The following TLK2 variants were observed in gnomAD, a reference collection of about 807,000 sequenced individuals.
TLK2 encodes the protein serine/threonine-protein kinase tousled-like 2.
Under a neutral mutation model 117.3 loss-of-function variants are expected in TLK2, and 6 were observed. The observed-to-expected ratio is 0.05, with a 90% CI of 0.03 to 0.10. The LOEUF (loss-of-function observed/expected upper bound fraction) is 0.10. Among genes scored for constraint, TLK2 ranks in the 10% least tolerant of loss-of-function variants. The pLI is 1.00. For missense variants in TLK2, 299 were observed against 901.2 expected, an observed-to-expected ratio of 0.33 and a Z score of 8.56; for synonymous variants, 257 against 316.7, an observed-to-expected ratio of 0.81 and a Z score of 2.00.
Position 62,536,334 on chromosome 17 carries a change from T to C in TLK2, c.528T>C (p.Val176=), listed in dbSNP as rs1272915654. 1.2e-6 allele frequency: 2 copies of C among 1,611,904 alleles called. No homozygotes were observed. Among genetic ancestry groups the C allele is most frequent in the Non-Finnish European group, 1.7e-6 (2 of 1,178,912 alleles). ...GAGCTGGCCTCTGCTTCACTTTTGT[T>C]TCAGTGAGTACAAAGCCTAAGTTAA... is the stretch of plus-strand genomic sequence containing the variant. ...QRGAGLCFTF[V]SAQQNSPSST... Residue 176 remains valine, a synonymous_variant, in exon 7 of 22, where the codon GTT becomes GTC. Transcript: ENST00000346027.
At chr17:62,507,902 C>A (rs2074836890) in intron 2 of TLK2, among the ~76,000 whole-genome samples, 1 of 151,822 alleles carries the variant, frequency 6.6e-6, no homozygotes, top group African/African-American at 2.4e-5. Flanking sequence ...ATATTAGAAA[C>A]ATGTTTTATT....
At chr17:62,538,237 A>G (rs984246272) in intron 7 of TLK2, among the ~76,000 whole-genome samples, 7 of 151,536 alleles carry the variant, frequency 4.6e-5, no homozygotes, top group Non-Finnish European at 8.8e-5. Flanking sequence ...GGGTTTCACC[A>G]TGTTAGCCAG....
At chr17:62,510,361 A>G (rs1333778158) in intron 2 of TLK2, among the ~76,000 whole-genome samples, 1 of 152,166 alleles carries the variant, frequency 6.6e-6, no homozygotes, top group Non-Finnish European at 1.5e-5. Context: ...TTTTTGAACC[A>G]GATAGCCTTG....
intron 9 of TLK2, among the ~76,000 whole-genome samples, chr17:62,557,784 A>G (rs776726719): frequency 3.9e-5 from 6 of 152,230 alleles, no homozygotes; most frequent in Non-Finnish European, 7.3e-5. Flanking sequence ...ATGACAGAGT[A>G]TGAGAAAAAC....
At chr17:62,609,881 A>G (rs981680819) in intron 21 of TLK2, among the ~76,000 whole-genome samples, 1 of 152,200 alleles carries the variant, frequency 6.6e-6, no homozygotes, top group Non-Finnish European at 1.5e-5. Context: ...ATACCTATGA[A>G]TAGCCACTGC....
At chr17:62,559,854 TA>T (rs1397394284) in intron 9 of TLK2, among the ~76,000 whole-genome samples, 161 bp from the exon 10 acceptor site, 1 of 152,214 alleles carries the variant, frequency 6.6e-6, no homozygotes, top group Non-Finnish European at 1.5e-5. Context: ...AGGAATGAAT[TA>T]TTTACTTTTT....
At chr17:62,535,272 A>T (rs1271624616) in intron 6 of TLK2, among the ~76,000 whole-genome samples, 2 of 152,056 alleles carry the variant, frequency 1.3e-5, no homozygotes, top group Non-Finnish European at 2.9e-5. Context: ...TCCCTCCCTA[A>T]AGTTAATGTA....
chr17:62,491,441 T>C (rs113385825), intron 2 of TLK2, among the ~76,000 whole-genome samples: 839 of 140,564 alleles, frequency 6.0e-3, no homozygotes, highest in East Asian at 0.02. Context: ...TTAGTTCTAT[T>C]CTTCCTCTCT....
Position 62,608,127 on chromosome 17 carries a change from A to G in TLK2, c.2058A>G (p.Pro686=), listed in dbSNP as rs768159167. 1.2e-6 allele frequency: 2 copies of G among 1,613,988 alleles called. No homozygotes were observed. Among genetic ancestry groups the G allele is most frequent in the South Asian group, 2.2e-5 (2 of 91,046 alleles). Residue 686 remains proline, a synonymous_variant, in exon 21 of 22, where the codon CCA becomes CCG. Transcript: ENST00000346027. ...CTGAAGTGCAGTTCCCGCCAAAGCC[A>G]GTAGTAACACCTGAAGCAAAGGTAA... ...KATEVQFPPK[P]VVTPEAKAFI... is the part of the protein sequence containing the mutation.
intron 16 of TLK2, among the ~76,000 whole-genome samples, chr17:62,587,303 T>C (rs571398257): frequency 6.6e-6 from 1 of 152,334 alleles, no homozygotes; most frequent in South Asian, 2.1e-4. Flanking sequence ...GTTTCCTTGT[T>C]GTTGGTACAA....
At chr17:62,601,085 GA>G (rs556820681) in intron 18 of TLK2, among the ~76,000 whole-genome samples, 21 of 152,112 alleles carry the variant, frequency 1.4e-4, no homozygotes, top group Admixed American at 2.6e-4. Context: ...CATTAAGAAA[GA>G]ACTGTTGCAG....
At chr17:62,542,716 C>T (rs1299186374) in intron 7 of TLK2, among the ~76,000 whole-genome samples, 3 of 152,142 alleles carry the variant, frequency 2.0e-5, no homozygotes, top group East Asian at 3.8e-4. Flanking sequence ...TGAAACAGTT[C>T]TGGTTGTCAA....
At chr17:62,577,110 G>A (rs926393938) in intron 13 of TLK2, among the ~76,000 whole-genome samples, 58 of 151,938 alleles carry the variant, frequency 3.8e-4, no homozygotes, top group Admixed American at 3.3e-3. Flanking sequence ...TTACAGGCAC[G>A]TGCCACCATA....
chr17:62,573,982 G>GA (rs1429528913), intron 12 of TLK2, among the ~76,000 whole-genome samples: 20 of 152,294 alleles, frequency 1.3e-4, no homozygotes, highest in African/African-American at 4.8e-4. Context: ...AGGAGGAGTA[G>GA]AAAATTCTAA....
At chr17:62,490,166 A>G (rs1047104709) in intron 2 of TLK2, among the ~76,000 whole-genome samples, 2 of 152,134 alleles carry the variant, frequency 1.3e-5, no homozygotes, top group African/African-American at 4.8e-5. Flanking sequence ...CTTGTCATAT[A>G]TTGCTTCTGT....
At chr17:62,516,475 C>A in intron 2 of TLK2, 1 of 1,603,214 alleles carries the variant, frequency 6.2e-7, no homozygotes, top group Non-Finnish European at 8.5e-7. Context: ...AGTCTCTGGA[C>A]GGCTACGGCG....
At chr17:62,570,053 C>A (rs887679091) in intron 11 of TLK2, among the ~76,000 whole-genome samples, 1 of 152,086 alleles carries the variant, frequency 6.6e-6, no homozygotes, top group East Asian at 1.9e-4. Flanking sequence ...TCTCCCTGTG[C>A]GTCTCTGTGT....
In TLK2 at chr17:62,524,226, T is replaced by C. The variant is rs1412517556; in HGVS notation, c.268-10T>C. 2.5e-6 allele frequency: 4 copies of C among 1,613,892 alleles called. No individual in the cohort carries two copies. The highest frequency in any genetic ancestry group is 3.4e-6 in the Non-Finnish European group (4 of 1,179,782). On this transcript the variant is annotated splice_polypyrimidine_tract_variant and intron_variant, in intron 5 of 21. Transcript: ENST00000346027. ...TGAATTATTCATATCGGTTTTTCCC[T>C]GTTGGCCAGTTTGCTGGGGGAAGCG... is the stretch of plus-strand genomic sequence containing the variant.
At chr17:62,496,943 T>G (rs1465085833) in intron 2 of TLK2, among the ~76,000 whole-genome samples, 7 of 125,058 alleles carry the variant, frequency 5.6e-5, no homozygotes, top group East Asian at 2.2e-4. Flanking sequence ...GGCAACAGAG[T>G]GAGACTCCAT....
Sources: gnomAD v4.1 joint callset for allele counts (sites outside exome capture counted in the v4.1 genomes callset) on GRCh38, gnomAD v4.1.1 for gene constraint, MANE v1.5 for transcripts, NCBI Gene and HGNC (gene_info 2026-07-23, HGNC 2026-07-21) for gene names.